The following SLC1A6 variants were observed in gnomAD, a reference collection of about 807,000 sequenced individuals.
The protein encoded by SLC1A6 is excitatory amino acid transporter 4.
In SLC1A6, 15 loss-of-function variants were observed where a neutral mutation model predicts 42.1. That is an observed-to-expected ratio of 0.36 (90% CI 0.24 to 0.55). The LOEUF (loss-of-function observed/expected upper bound fraction) is 0.55. SLC1A6 is among the 20% of genes least tolerant of loss of function. The pLI is 0.88. For missense variants in SLC1A6, 542 were observed against 772.5 expected (o/e 0.70, Z 3.54); for synonymous variants, 317 against 319.7 (o/e 0.99, Z 0.09).
intron 6 of SLC1A6, among the ~76,000 whole-genome samples, chr19:14,957,696 A>G (rs1040305375): frequency 1.3e-5 from 2 of 152,238 alleles, no homozygotes. Flanking sequence ...TAATGGGGAA[A>G]GCAGGAGGTA....
At chr19:14,990,318 C>T (rs78118429) in intron 1 of SLC1A6, among the ~76,000 whole-genome samples, 2,348 of 152,180 alleles carry the variant, frequency 0.015, 68 homozygotes, top group African/African-American at 0.053. Context: ...GTGAAATAAG[C>T]CAGGCACTGA....
chr19:14,979,511 A>C lies in SLC1A6; in HGVS notation c.-210T>G, dbSNP rs1305159603. 6.6e-6 allele frequency: 1 copy of C among 151,218 alleles called. No individual in the cohort carries two copies. Among genetic ancestry groups the C allele is most frequent in the Non-Finnish European group, 1.5e-5 (1 of 67,776 alleles). The allele number at this position is 151,218 out of a possible 1,614,324, so 9.4% of individuals were successfully genotyped here. The stretch of plus-strand genomic sequence containing the variant: ...GCGCCGAGCCGCGGAGTCCCCACTC[A>C]CCGGCGTCCGGAGCGGCGGGGGCGG... On this transcript the variant is annotated 5_prime_UTR_variant, in exon 1 of 10. Coordinates refer to ENST00000594383, the MANE Select transcript of SLC1A6 (RefSeq NM_005071.3). This position sits in a 1 kb window ranked among gnomAD's most constrained non-coding sequence, Gnocchi z 4.2.
At chr19:15,005,259 C>CAA (rs59367163) in intron 1 of SLC1A6, among the ~76,000 whole-genome samples, 150 of 91,050 alleles carry the variant, frequency 1.6e-3, no homozygotes, top group Admixed American at 1.4e-3. Flanking sequence ...GACCCTGTCT[C>CAA]AAAAAAAAAA....
At position 14,987,244 on chromosome 19, in the gene SLC1A6, G is replaced by A. The variant is rs143241340; in HGVS notation, c.7-14327C>T. Among the ~76,000 whole-genome samples, 93 of 152,064 alleles carry A rather than the reference G, an allele frequency of 6.1e-4. 1 individual carries two copies. The highest frequency in any genetic ancestry group is 1.8e-3 in the African/African-American group (76 of 41,490). On this transcript the variant is annotated intron_variant, in intron 1 of 8. Coordinates refer to the SLC1A6 transcript ENST00000430939. ...AGCACTTTGGGAAGCCGAGGTGAGC[G>A]GATCATGAGGTCAGGAGATCGAGAC...
At chr19:14,955,015 G>A (rs1357359456) in intron 7 of SLC1A6, among the ~76,000 whole-genome samples, 2 of 152,130 alleles carry the variant, frequency 1.3e-5, no homozygotes. Flanking sequence ...CCATCTACCC[G>A]CCATGTCTTA....
At chr19:14,950,747 C>T (rs2045403045) in intron 9 of SLC1A6, among the ~76,000 whole-genome samples, 1 of 151,882 alleles carries the variant, frequency 6.6e-6, no homozygotes, top group Non-Finnish European at 1.5e-5. Context: ...TCAAGACCAG[C>T]CTGGGCAACA....
rs768883569 is a variant in SLC1A6 at position 14,973,449 on chromosome 19, T to TA, written c.-7-533dup. On this transcript the variant is annotated intron_variant, in intron 1 of 9. Coordinates refer to ENST00000594383, the MANE Select transcript of SLC1A6 (RefSeq NM_005071.3). ...AACAACAAGTAAATAAAAATATAAC[T>TA]AAAAACAAAATGGCAGGGGAGGGGG... 978 of 150,262 alleles carry TA rather than the reference T, an allele frequency of 6.5e-3. 31 individuals carry two copies. Among genetic ancestry groups the TA allele is most frequent in the Admixed American group, 0.052 (789 of 15,044 alleles). The allele number at this position is 150,262 out of a possible 1,614,324, so 9.3% of individuals were successfully genotyped here. A position where few individuals can be genotyped will look rare whatever the true frequency, so the allele number is the denominator to read the frequency against.
chr19:14,963,968 G>T lies in SLC1A6; in HGVS notation c.591+351C>A, dbSNP rs148680112. The T allele has an allele frequency of 3.8e-4, 68 of 179,320 alleles. 2 individuals are homozygous for T. Among genetic ancestry groups the T allele is most frequent in the African/African-American group, 1.6e-3 (67 of 41,508 alleles). 11.1% of individuals were successfully genotyped at this position (179,320 alleles called of 1,614,324 possible). ...CTCAGCCTCCCAAGTAGCTGAGACA[G>T]GCGTGTCCAGCTAATTTTTTTTTAA... On this transcript the variant is annotated intron_variant, in intron 5 of 9. Transcript: ENST00000594383.
At chr19:14,957,881 G>A (rs1409280408) in intron 6 of SLC1A6, among the ~76,000 whole-genome samples, 3 of 152,188 alleles carry the variant, frequency 2.0e-5, no homozygotes, top group African/African-American at 7.2e-5. Context: ...ATCATTGCAG[G>A]CACAATGCAG....
intron 6 of SLC1A6, chr19:14,961,236 A>T (rs887833455): frequency 6.6e-6 from 1 of 152,368 alleles, no homozygotes; most frequent in Non-Finnish European, 1.5e-5. Flanking sequence ...CCACAAAAAA[A>T]TAAGCATGTG....
intron 1 of SLC1A6, among the ~76,000 whole-genome samples, chr19:14,987,349 C>T (rs1321139055): frequency 2.6e-5 from 4 of 152,020 alleles, no homozygotes; most frequent in Admixed American, 6.6e-5. Flanking sequence ...CACCTGTAAT[C>T]CCAGCTACTC....
chr19:14,964,283 G>T, intron 5 of SLC1A6, 36 bp downstream of exon 5: 2 of 1,600,064 alleles, frequency 1.2e-6, no homozygotes, highest in African/African-American at 1.3e-5. Context: ...ACCACCCTCC[G>T]AATCTCCTTG....
At position 14,972,727 on chromosome 19, in the gene SLC1A6, T is replaced by C; in HGVS notation, c.184A>G (p.Thr62Ala). 1 of 1,613,954 alleles carries C rather than the reference T, an allele frequency of 6.2e-7. No individual in the cohort carries two copies. The highest frequency in any genetic ancestry group is 1.3e-5 in the African/African-American group (1 of 75,062). Residue 62 changes from threonine to alanine, a missense_variant, in exon 2 of 10, where the codon ACG becomes GCG. Physicochemically the swap from Thr to Ala is moderately conservative, Grantham distance 58. This residue lies in a region of SLC1A6 where 88 missense variants were observed against 85.5 expected (regional missense o/e 1.03). Transcript: ENST00000594383. ...TCACCAATGACCACGGCGCTGACCG[T>C]CAGCAGAATGAAGGCGTTTCGGCGC... ...FLRRNAFILL[T>A]VSAVVIGVSL...
chr19:14,954,441 G>C lies in SLC1A6; in HGVS notation c.1170-112C>G. ...AGAGAATGGGGCGTGGCCGAAGAAA[G>C]GCTGGGGAACAGGGCGTGACCTAGT... is the stretch of plus-strand genomic sequence containing the variant. On this transcript the variant is annotated intron_variant, in intron 7 of 9. Transcript: ENST00000594383. 4 of 969,020 alleles carry C rather than the reference G, an allele frequency of 4.1e-6. No individual in the cohort carries two copies. In the South Asian group the frequency reaches 5.6e-5, roughly 14 times the overall value. 60.0% of individuals were successfully genotyped at this position (969,020 alleles called of 1,614,324 possible). A position where few individuals can be genotyped will look rare whatever the true frequency, so the allele number is the denominator to read the frequency against.
chr19:14,957,615 A>G (rs551508333), intron 6 of SLC1A6, among the ~76,000 whole-genome samples: 16 of 152,288 alleles, frequency 1.1e-4, no homozygotes, highest in Admixed American at 3.9e-4. Flanking sequence ...TGCGAAATAC[A>G]TTTTTGTTCT....
chr19:14,975,867 AAG>A (rs2045702386), intron 1 of SLC1A6, among the ~76,000 whole-genome samples: 1 of 48,308 alleles, frequency 2.1e-5, no homozygotes, highest in Admixed American at 2.1e-4. Flanking sequence ...AAGGGAAGGG[AAG>A]GAAAGGGAAG....
At chr19:14,953,548 C>G (rs2045433008) in intron 8 of SLC1A6, among the ~76,000 whole-genome samples, 1 of 151,878 alleles carries the variant, frequency 6.6e-6, no homozygotes, top group African/African-American at 2.4e-5. Flanking sequence ...AGCCACCGCG[C>G]CTGACAGAGC....
At chr19:14,975,103 A>G (rs940584120) in intron 1 of SLC1A6, 1 of 152,134 alleles carries the variant, frequency 6.6e-6, no homozygotes, top group Non-Finnish European at 1.5e-5. Flanking sequence ...AAGAGATGAA[A>G]ACATCAGGGA....
chr19:14,991,991 A>C (rs971463728), intron 1 of SLC1A6, among the ~76,000 whole-genome samples: 5 of 151,838 alleles, frequency 3.3e-5, no homozygotes, highest in African/African-American at 9.7e-5. Context: ...ACGTCCAGCT[A>C]ATTTTTGTAT....
Sources: gnomAD v4.1 joint callset for allele counts (sites outside exome capture counted in the v4.1 genomes callset) on GRCh38, gnomAD v4.1.1 for gene constraint, gnomAD v4.1.1 regional missense constraint, Gnocchi (gnomAD v3.1) non-coding constraint, MANE v1.5 for transcripts, NCBI Gene and HGNC (gene_info 2026-07-23, HGNC 2026-07-21) for gene names.